Variants in AGBL1 observed in about 807,000 individuals in gnomAD.
AGBL1 encodes AGBL carboxypeptidase 1.
Under a neutral mutation model 118.9 loss-of-function variants are expected in AGBL1, and 130 were observed. The observed-to-expected ratio is 1.09, with a 90% CI of 0.95 to 1.26. AGBL1 has a LOEUF of 1.26. Among genes scored for constraint, AGBL1 ranks in the 50% most tolerant of loss-of-function variants. The pLI, the probability that AGBL1 is intolerant of heterozygous loss-of-function variation, is 0.00. For synonymous variants in AGBL1, 555 were observed against 478.9 expected (o/e 1.16, Z -2.08); for missense variants, 1,584 against 1,298.1 (o/e 1.22, Z -3.38).
At chr15:86,921,419 C>G (rs11073684) in intron 23 of AGBL1, among the ~76,000 whole-genome samples, 1 of 151,906 alleles carries the variant, frequency 6.6e-6, no homozygotes, top group East Asian at 1.9e-4. Context: ...CAGGGACATA[C>G]GTTAAGATGT....
At chr15:86,326,416 G>A (rs566483487) in intron 17 of AGBL1, among the ~76,000 whole-genome samples, 2 of 151,928 alleles carry the variant, frequency 1.3e-5, no homozygotes, top group South Asian at 2.1e-4. Flanking sequence ...ATAGGAGAAG[G>A]GTATAGAGAA....
intron 22 of AGBL1, among the ~76,000 whole-genome samples, chr15:86,878,041 G>A: frequency 6.6e-6 from 1 of 152,154 alleles, no homozygotes; most frequent in East Asian, 1.9e-4. Context: ...CGTCTGTTCT[G>A]GAACAGAAAA....
At chr15:86,289,474 A>G (rs1345946863) in intron 16 of AGBL1, among the ~76,000 whole-genome samples, 2 of 152,218 alleles carry the variant, frequency 1.3e-5, no homozygotes, top group Non-Finnish European at 2.9e-5. Context: ...CACATACATT[A>G]TACAACTAAA....
intron 5 of AGBL1, among the ~76,000 whole-genome samples, chr15:86,220,256 C>T (rs998655981): frequency 2.0e-5 from 3 of 152,070 alleles, no homozygotes; most frequent in Non-Finnish European, 4.4e-5. Context: ...CCAGTGAATA[C>T]TGCCTCTTGC....
chr15:86,874,403 C>CAT (rs2079775416), intron 22 of AGBL1, among the ~76,000 whole-genome samples: 1 of 151,914 alleles, frequency 6.6e-6, no homozygotes, highest in African/African-American at 2.4e-5. Context: ...CACACACACA[C>CAT]ACACACCCTG....
intron 22 of AGBL1, among the ~76,000 whole-genome samples, chr15:86,760,629 G>T (rs1340963047): frequency 4.6e-5 from 7 of 152,074 alleles, no homozygotes. Flanking sequence ...AAGAGGTAAA[G>T]AAACTGTTGC....
At chr15:86,538,499 G>C (rs1352591106) in intron 19 of AGBL1, among the ~76,000 whole-genome samples, 1 of 152,196 alleles carries the variant, frequency 6.6e-6, no homozygotes, top group African/African-American at 2.4e-5. Flanking sequence ...TTCCCTCAAA[G>C]AGATGTTAAC....
At chr15:86,109,196 T>C (rs1288042074) in intron 1 of AGBL1, among the ~76,000 whole-genome samples, 1 of 152,164 alleles carries the variant, frequency 6.6e-6, no homozygotes, top group Non-Finnish European at 1.5e-5. Flanking sequence ...ACAATAATAA[T>C]AACCAGGGGT....
chr15:86,973,221 A>T (rs1184637809), intron 23 of AGBL1, among the ~76,000 whole-genome samples: 1 of 151,704 alleles, frequency 6.6e-6, no homozygotes, highest in Non-Finnish European at 1.5e-5. Flanking sequence ...CTTGTTTAAA[A>T]CTCCACTGAC....
exon 25 of AGBL1, chr15:87,028,888 C>CAGCT (rs1272919041): frequency 6.4e-7 from 1 of 1,569,838 alleles, no homozygotes; most frequent in Admixed American, 1.7e-5. Context: ...GCCATGTGCC[C>CAGCT]AGCTCCTCCT....
chr15:86,856,136 C>G (rs7177701), intron 22 of AGBL1, among the ~76,000 whole-genome samples: 25,731 of 152,154 alleles, frequency 0.17, 2,322 homozygotes, highest in South Asian at 0.29. Context: ...GGCAGGCCGA[C>G]TGTCTTTCAC....
chr15:86,751,723 A>C (rs964368340), intron 22 of AGBL1, among the ~76,000 whole-genome samples: 2 of 152,084 alleles, frequency 1.3e-5, no homozygotes, highest in African/African-American at 4.8e-5. Context: ...ATCTTATTTA[A>C]ATGTTTTTAA....
At chr15:86,557,495 A>AGGAC (rs1278978020) in intron 21 of AGBL1, among the ~76,000 whole-genome samples, 1 of 152,216 alleles carries the variant, frequency 6.6e-6, no homozygotes, top group African/African-American at 2.4e-5. Flanking sequence ...ATCTTAAAGA[A>AGGAC]GGACAGAAGA....
intron 18 of AGBL1, among the ~76,000 whole-genome samples, chr15:86,401,913 A>G (rs2081451601): frequency 1.3e-5 from 2 of 151,842 alleles, no homozygotes; most frequent in South Asian, 2.1e-4. Flanking sequence ...TTTGCTTAGT[A>G]TTGCTTTGGT....
chr15:86,295,182 C>A, intron 16 of AGBL1, 73 bp from the exon 17 acceptor site: 3 of 1,499,640 alleles, frequency 2.0e-6, no homozygotes, highest in Non-Finnish European at 2.7e-6. Context: ...TATATGTAAG[C>A]CGTTGTTGTT....
At chr15:86,493,561 T>G (rs151119743) in intron 18 of AGBL1, among the ~76,000 whole-genome samples, 2 of 152,148 alleles carry the variant, frequency 1.3e-5, no homozygotes, top group African/African-American at 4.8e-5. Context: ...CCAGAATAAT[T>G]GGGTCTTGAT....
intron 3 of AGBL1, among the ~76,000 whole-genome samples, chr15:86,144,316 G>A (rs1300162738): frequency 1.3e-5 from 2 of 151,970 alleles, no homozygotes; most frequent in Admixed American, 6.6e-5. Context: ...CCCGTTACTG[G>A]GTATATACCC....
chr15:86,984,435 G>T (rs1323190847), intron 23 of AGBL1, among the ~76,000 whole-genome samples: 6 of 150,394 alleles, frequency 4.0e-5, no homozygotes, highest in Non-Finnish European at 1.5e-5. Context: ...CGTGATCTCG[G>T]CTCACTGCAA....
intron 7 of AGBL1, among the ~76,000 whole-genome samples, chr15:86,249,884 C>T (rs756625893): frequency 6.6e-6 from 1 of 152,218 alleles, no homozygotes; most frequent in Non-Finnish European, 1.5e-5. Flanking sequence ...TGCTATGAAT[C>T]TGTGCACAGG....
Sources: gnomAD v4.1 joint callset for allele counts (sites outside exome capture counted in the v4.1 genomes callset) on GRCh38, gnomAD v4.1.1 for gene constraint, MANE v1.5 for transcripts, NCBI Gene and HGNC (gene_info 2026-07-23, HGNC 2026-07-21) for gene names.